Variants in NCR1 observed in about 807,000 individuals in gnomAD.
NCR1 encodes the protein NK cell-activating receptor.
Under a neutral mutation model 32.5 loss-of-function variants are expected in NCR1, and 30 were observed. That is an observed-to-expected ratio of 0.92 (90% confidence interval 0.69 to 1.25). The LOEUF is 1.25. Among genes scored for constraint, NCR1 ranks in the 50% most tolerant of loss-of-function variants. The pLI is 0.00. For missense variants in NCR1, 369 were observed against 380.7 expected (o/e 0.97, Z 0.26); for synonymous variants, 169 against 143.4 (o/e 1.18, Z -1.28).
At chr19:54,916,856 C>T (rs1204765162), downstream of NCR1, among the ~76,000 whole-genome samples, 4 of 151,656 alleles carry the variant, frequency 2.6e-5, no homozygotes, top group South Asian at 2.1e-4. Flanking sequence ...TGAGCCACCG[C>T]GCCCAGCCAG....
intron 5 of NCR1, among the ~76,000 whole-genome samples, chr19:54,911,376 G>GAAAAA: frequency 7.2e-6 from 1 of 139,040 alleles, no homozygotes; most frequent in African/African-American, 2.6e-5. Flanking sequence ...AAAAGAAAAA[G>GAAAAA]AAAAAAAAAT....
chr19:54,934,730 GAC>G, the NCR1 span: 1 of 1,276,908 alleles, frequency 7.8e-7, no homozygotes, highest in Non-Finnish European at 1.1e-6. The surrounding 1 kb of genome is among the most constrained non-coding windows in gnomAD (Gnocchi z 6.7). Flanking sequence ...TTTTTTTTGA[GAC>G]AGAGTTTCAC....
chr19:54,927,090 A>AAAGC, the NCR1 span, among the ~76,000 whole-genome samples: 2 of 140,454 alleles, frequency 1.4e-5, no homozygotes, highest in African/African-American at 5.4e-5. Flanking sequence ...TCCATCCCAA[A>AAAGC]AAGCAAAAAC....
chr19:54,909,956 A>AAAT, intron 4 of NCR1, 62 bp from the exon 5 acceptor site: 1 of 1,332,944 alleles, frequency 7.5e-7, no homozygotes, highest in Non-Finnish European at 1.0e-6. Context: ...AAAAAAAAAA[A>AAAT]GAATGGCAAG....
the NCR1 span, chr19:54,923,736 CT>C: frequency 6.2e-7 from 1 of 1,612,698 alleles, no homozygotes; most frequent in Non-Finnish European, 8.5e-7. Flanking sequence ...CGATCCCAGG[CT>C]GCTCAGCAAA....
upstream of NCR1, among the ~76,000 whole-genome samples, chr19:54,905,949 G>C (rs1276974522): frequency 2.6e-5 from 4 of 152,158 alleles, no homozygotes; most frequent in Non-Finnish European, 5.9e-5. Context: ...ATTTTGGGCT[G>C]AGCAGACAAT....
chr19:54,908,377 T>C (rs898066501), intron 3 of NCR1, among the ~76,000 whole-genome samples: 1 of 152,214 alleles, frequency 6.6e-6, no homozygotes, highest in African/African-American at 2.4e-5. Context: ...GAGTCTCCTA[T>C]GTCTACTTCT....
upstream of NCR1, among the ~76,000 whole-genome samples, chr19:54,903,446 GTATATACATA>G (rs2067358895): frequency 8.6e-6 from 1 of 115,734 alleles, no homozygotes; most frequent in Admixed American, 1.1e-4. Context: ...ATACATGTAT[GTATATACATA>G]TATGTATGTA....
upstream of NCR1, among the ~76,000 whole-genome samples, chr19:54,903,413 C>T (rs116333762): frequency 6.1e-4 from 74 of 120,480 alleles, 1 homozygote; most frequent in Admixed American, 1.9e-3. Context: ...TATGTATACA[C>T]GCATACATGT....
chr19:54,936,495 A>T, the NCR1 span: 6 of 1,363,026 alleles, frequency 4.4e-6, no homozygotes, highest in Non-Finnish European at 6.3e-6. Flanking sequence ...GGAGGCATGT[A>T]TAAACAAAAA....
At chr19:54,929,673 G>A in the NCR1 span, among the ~76,000 whole-genome samples, 800 of 152,276 alleles carry the variant, frequency 5.3e-3, 6 homozygotes, top group Middle Eastern at 0.02. Flanking sequence ...TGCTGCTGAA[G>A]TCCAGGTCAC....
upstream of NCR1, among the ~76,000 whole-genome samples, chr19:54,903,442 G>T (rs1270308846): frequency 8.8e-6 from 1 of 114,228 alleles, no homozygotes; most frequent in Non-Finnish European, 1.8e-5. Context: ...ACGCATACAT[G>T]TATGTATATA....
upstream of NCR1, among the ~76,000 whole-genome samples, chr19:54,903,456 ATATG>A (rs1213140461): frequency 4.1e-5 from 5 of 122,978 alleles, no homozygotes; most frequent in Middle Eastern, 4.2e-3. Flanking sequence ...GTATATACAT[ATATG>A]TATGTATACA....
At chr19:54,910,099 G>T in intron 5 of NCR1, 34 bp downstream of exon 5, 3 of 1,598,796 alleles carry the variant, frequency 1.9e-6, no homozygotes, top group East Asian at 2.2e-5. Context: ...TCAGACGAGC[G>T]ATCAGAGCCT....
At chr19:54,931,845 A>T in the NCR1 span, among the ~76,000 whole-genome samples, 1 of 108,040 alleles carries the variant, frequency 9.3e-6, no homozygotes, top group Admixed American at 9.1e-5. Context: ...AGAGACTGTT[A>T]AAAAAAAAAA....
rs144737108 is a variant in NCR1, at chr19:54,906,727, T to C, written c.275T>C (p.Met92Thr). Residue 92 changes from methionine (M) to threonine (T), a missense_variant, in exon 3 of 7, where the codon ATG (methionine) becomes ACG (threonine). Physicochemically the swap from Met to Thr is moderately conservative, Grantham distance 81. Transcript: ENST00000291890. Reference protein sequence around the residue: ...QFYIPDMNSRMAGQYSCIYRV... With the variant: ...QFYIPDMNSRTAGQYSCIYRV... ...TACATCCCGGACATGAACTCCCGCATGGCAGGGCAATACAGCTGCATCTAT... is the reference window on the plus strand; with the variant it reads ...TACATCCCGGACATGAACTCCCGCACGGCAGGGCAATACAGCTGCATCTAT... The C allele has an allele frequency of 5.0e-4, 810 of 1,614,214 alleles. 7 individuals carry two copies. In the African/African-American group the frequency reaches 9.3e-3, roughly 19 times the overall value.
At chr19:54,902,835 TAAG>T (rs139056748), upstream of NCR1, among the ~76,000 whole-genome samples, 11,354 of 151,864 alleles carry the variant, frequency 0.075, 513 homozygotes, top group African/African-American at 0.13. Context: ...CTTCAGTAAA[TAAG>T]AAGGAGGCGG....
At chr19:54,904,336 CA>C (rs2067414462), upstream of NCR1, among the ~76,000 whole-genome samples, 3 of 151,716 alleles carry the variant, frequency 2.0e-5, no homozygotes, top group Admixed American at 2.0e-4. Context: ...AAGCCAACGT[CA>C]AAACCCCTAT....
intron 6 of NCR1, 26 bp from the exon 7 acceptor site, chr19:54,912,664 C>A: frequency 7.8e-7 from 1 of 1,279,078 alleles, no homozygotes; most frequent in South Asian, 1.3e-5. Context: ...TCCCTGTCAG[C>A]GATCACCCTG....
Sources: allele counts gnomAD v4.1 joint callset (sites outside exome capture counted in the v4.1 genomes callset), GRCh38; gene constraint gnomAD v4.1.1; non-coding constraint Gnocchi (gnomAD v3.1); transcripts MANE v1.5; gene names NCBI Gene and HGNC (gene_info 2026-07-23, HGNC 2026-07-21).